The following RP1 variants were observed in gnomAD, a reference collection of about 807,000 sequenced individuals.
RP1 encodes RP1 axonemal microtubule associated, also known as oxygen-regulated protein 1.
A neutral mutation model predicts 14.8 loss-of-function variants in RP1; 16 were observed. The ratio of observed to expected loss-of-function variants is 1.08; its 90% confidence interval spans 0.73 to 1.65. The LOEUF (loss-of-function observed/expected upper bound fraction) is 1.65. Ranked by LOEUF, RP1 falls within the 40% of genes most tolerant of loss-of-function variation. The pLI, the probability that RP1 is intolerant of heterozygous loss-of-function variation, is 0.00. For missense variants in RP1, 2,631 were observed against 2,535.0 expected, an observed-to-expected ratio of 1.04 and a Z score of -0.81; for synonymous variants, 876 against 883.6, an observed-to-expected ratio of 0.99 and a Z score of 0.15.
At chr8:54,679,182 A>G (rs113523991) in intron 9 of RP1, among the ~76,000 whole-genome samples, 1 of 152,186 alleles carries the variant, frequency 6.6e-6, no homozygotes, top group African/African-American at 2.4e-5. Context: ...CACCTGTGTT[A>G]TTAGGCAAAA....
chr8:54,722,942 A>G (rs1808569738), intron 16 of RP1, among the ~76,000 whole-genome samples: 1 of 152,196 alleles, frequency 6.6e-6, no homozygotes, highest in South Asian at 2.1e-4. Context: ...TCAGCCTACA[A>G]CGAGGGCAGT....
chr8:54,845,732 A>T (rs1176456758), intron 25 of RP1, among the ~76,000 whole-genome samples: 2 of 152,230 alleles, frequency 1.3e-5, no homozygotes, highest in African/African-American at 4.8e-5. Flanking sequence ...TGCCTGGCTC[A>T]ACTAATTTAT....
Position 54,621,563 on chromosome 8 carries a change from C to T in RP1, c.597C>T (p.Tyr199=), listed in dbSNP as rs748104371. 3.7e-6 allele frequency: 6 copies of T among 1,614,016 alleles called. No homozygotes were observed. The highest frequency in any genetic ancestry group is 2.7e-5 in the African/African-American group (2 of 74,918). Residue 199 remains tyrosine, a synonymous_variant, in exon 2 of 4, where the codon TAC becomes TAT. Coordinates refer to ENST00000220676, the MANE Select transcript of RP1 (RefSeq NM_006269.2). ...TGCAGCGCCCTGTGGTCAAGCTGTACGCTACGGACGGAAGGAGGGTGAGCG... is the reference window on the plus strand; with the variant it reads ...TGCAGCGCCCTGTGGTCAAGCTGTATGCTACGGACGGAAGGAGGGTGAGCG... ...EVMQRPVVKL[Y]ATDGRRVPSL... is the part of the protein sequence containing the mutation.
chr8:54,690,342 G>T (rs1807681384), intron 12 of RP1, among the ~76,000 whole-genome samples: 1 of 151,866 alleles, frequency 6.6e-6, no homozygotes, highest in Non-Finnish European at 1.5e-5. Flanking sequence ...TCTGAAAAAA[G>T]GTTTATTAGT....
chr8:54,787,033 C>T (rs751399959), intron 24 of RP1, among the ~76,000 whole-genome samples: 3 of 152,024 alleles, frequency 2.0e-5, no homozygotes, highest in Non-Finnish European at 4.4e-5. Flanking sequence ...CAGTCATAGG[C>T]CTTGAAGAGG....
chr8:54,786,718 A>T (rs960978197), intron 24 of RP1, among the ~76,000 whole-genome samples: 1 of 152,058 alleles, frequency 6.6e-6, no homozygotes, highest in African/African-American at 2.4e-5. Flanking sequence ...TCCGTCTGCC[A>T]TTTCAGAAGT....
At chr8:54,649,210 A>G (rs1806608916) in intron 4 of RP1, 1 of 1,265,834 alleles carries the variant, frequency 7.9e-7, no homozygotes, top group East Asian at 2.7e-5. Flanking sequence ...GGTACTTTGG[A>G]ATGAACATAG....
In RP1 at chr8:54,607,636, C is replaced by T. The variant is rs568136639; in HGVS notation, c.-12-13319C>T. On this transcript the variant is annotated intron_variant, in intron 1 of 22. Coordinates refer to the RP1 transcript ENST00000636932. Reference sequence around the variant, plus strand: ...CCTTTTATTTGGCTATGCCCTGCCCCCAGAGGTGGAGTCTATAGAGGCAGG... The same window carrying T: ...CCTTTTATTTGGCTATGCCCTGCCCTCAGAGGTGGAGTCTATAGAGGCAGG... Among the ~76,000 whole-genome samples, 7 of 152,274 alleles carry T rather than the reference C, an allele frequency of 4.6e-5. No homozygotes were observed. In the East Asian group the frequency reaches 1.2e-3, roughly 25 times the overall value.
At chr8:54,815,429 A>G (rs1811115696) in intron 24 of RP1, among the ~76,000 whole-genome samples, 1 of 152,260 alleles carries the variant, frequency 6.6e-6, no homozygotes, top group Non-Finnish European at 1.5e-5. Context: ...AACTCAAGGA[A>G]GGAGTACACT....
intron 1 of RP1, among the ~76,000 whole-genome samples, chr8:54,594,406 A>G (rs1323203962): frequency 1.3e-5 from 2 of 152,370 alleles, no homozygotes; most frequent in Admixed American, 6.5e-5. Flanking sequence ...GCACTGGTCT[A>G]TCTTCCACTT....
intron 24 of RP1, among the ~76,000 whole-genome samples, chr8:54,802,967 C>A (rs558415448): frequency 6.6e-6 from 1 of 151,938 alleles, no homozygotes; most frequent in African/African-American, 2.4e-5. Context: ...TTACTAAGCT[C>A]AAGAGAGAAA....
chr8:54,598,054 A>G lies in RP1; in HGVS notation c.-12-22901A>G, dbSNP rs547750977. Among the ~76,000 whole-genome samples the G allele has an allele frequency of 3.3e-5, 5 of 152,284 alleles. No individual in the cohort carries two copies. The South Asian group carries it at 1.0e-3, about 32-fold the overall frequency. ...GTTAACCCCTGCCAACCACTAATCT[A>G]TTCTCAATCTCTGTAATTATGACAT... On this transcript the variant is annotated intron_variant, in intron 1 of 22. Transcript: ENST00000636932.
At chr8:54,676,807 A>G (rs1434493878) in intron 8 of RP1, among the ~76,000 whole-genome samples, 2 of 152,212 alleles carry the variant, frequency 1.3e-5, no homozygotes, top group Non-Finnish European at 2.9e-5. Context: ...ATTACCTCTA[A>G]GAGTTTTCTT....
chr8:54,708,328 T>C (rs1032331848), intron 15 of RP1, among the ~76,000 whole-genome samples: 2 of 151,608 alleles, frequency 1.3e-5, no homozygotes, highest in Non-Finnish European at 2.9e-5. Flanking sequence ...AGCTGCCTCA[T>C]ACTCTAGCTG....
Position 54,627,720 on chromosome 8 carries a change from T to A in RP1, c.3838T>A (p.Phe1280Ile). The change falls in exon 4 of 4, where the codon TTT becomes ATT. Residue 1280 changes from phenylalanine (F) to isoleucine (I), a missense_variant. By Grantham distance (21) the Phe-to-Ile change is conservative. Transcript: ENST00000220676. ...AGAGACATGTAACCCCAGTGACACT[T>A]TTTTTCCTAGTGATGGTTATGGTGT... ...PKETCNPSDT[F>I]FPSDGYGVDQ... 1 of 1,614,144 alleles carries A rather than the reference T, an allele frequency of 6.2e-7. No homozygotes were observed. Among genetic ancestry groups the A allele is most frequent in the Non-Finnish European group, 8.5e-7 (1 of 1,179,974 alleles).
intron 1 of RP1, among the ~76,000 whole-genome samples, chr8:54,581,984 T>A (rs1358819795): frequency 6.6e-6 from 1 of 152,236 alleles, no homozygotes; most frequent in Admixed American, 6.5e-5. Context: ...TTTCTTCTGC[T>A]GTGCAGAAGC....
chr8:54,826,115 G>T (rs1811382215), intron 24 of RP1, among the ~76,000 whole-genome samples: 1 of 152,144 alleles, frequency 6.6e-6, no homozygotes, highest in Admixed American at 6.5e-5. Flanking sequence ...ATAAGAGATG[G>T]TTGACTAGAG....
chr8:54,837,621 C>T, exon 25 of RP1: 1 of 1,231,944 alleles, frequency 8.1e-7, no homozygotes, highest in Non-Finnish European at 1.0e-6. Context: ...TGATGGCGAT[C>T]TATGGAAGGA....
intron 1 of RP1, among the ~76,000 whole-genome samples, chr8:54,577,227 C>T (rs1804681893): frequency 1.3e-5 from 2 of 152,110 alleles, no homozygotes; most frequent in African/African-American, 4.8e-5. Flanking sequence ...AGTTGGTCAA[C>T]CTGGTCTCGA....
Sources: gnomAD v4.1 joint callset for allele counts (sites outside exome capture counted in the v4.1 genomes callset) on GRCh38, gnomAD v4.1.1 for gene constraint, MANE v1.5 for transcripts, NCBI Gene and HGNC (gene_info 2026-07-23, HGNC 2026-07-21) for gene names.